The following SLA variants were observed in gnomAD, a reference collection of about 807,000 sequenced individuals.
The protein encoded by SLA is src-like-adapter.
A neutral mutation model predicts 30.3 loss-of-function variants in SLA; 16 were observed. The observed-to-expected ratio is 0.53, with a 90% confidence interval of 0.36 to 0.80. SLA has a LOEUF of 0.80. Among genes scored for constraint, SLA ranks in the 30% least tolerant of loss-of-function variants. The probability of loss-of-function intolerance (pLI) is 0.01; values close to 1 mark genes in which losing one functional copy is unlikely to be tolerated. For synonymous variants in SLA, 143 were observed against 137.8 expected, an observed-to-expected ratio of 1.04 and a Z score of -0.26; for missense variants, 310 against 345.2, an observed-to-expected ratio of 0.90 and a Z score of 0.81.
chr8:133,096,283 A>G (rs1319391696), intron 1 of SLA: 2 of 1,614,196 alleles, frequency 1.2e-6, no homozygotes, highest in Non-Finnish European at 1.7e-6. Context: ...CTCCAGCCAG[A>G]GCACTGAAGA....
chr8:133,100,029 T>A (rs2958669), intron 1 of SLA, among the ~76,000 whole-genome samples: 49,585 of 152,016 alleles, frequency 0.33, 8,948 homozygotes, highest in African/African-American at 0.48. Context: ...CAGAGGAAAA[T>A]TCCAGTCTTC....
intron 2 of SLA, among the ~76,000 whole-genome samples, chr8:133,067,741 A>G (rs1020350272): frequency 1.3e-5 from 2 of 151,948 alleles, no homozygotes; most frequent in Admixed American, 1.3e-4. Flanking sequence ...GCACCGCTGC[A>G]CATTCCAGCC....
In SLA at chr8:133,039,943, G is replaced by T. The variant is rs564084797; in HGVS notation, c.617+55C>A. The T allele has an allele frequency of 3.3e-6, 5 of 1,497,440 alleles. No individual in the cohort carries two copies. In the South Asian group the frequency reaches 4.9e-5, roughly 15 times the overall value. The allele number at this position is 1,497,440 out of a possible 1,614,324, so 92.8% of individuals were successfully genotyped here. A position where few individuals can be genotyped will look rare whatever the true frequency, so the allele number is the denominator to read the frequency against. ...CGTTTTGTGCTCACATGTTCACAGA[G>T]CACTTGCATGCACACACACACACAC... is the stretch of plus-strand genomic sequence containing the variant. On this transcript the variant is annotated intron_variant, in intron 8 of 8. Transcript: ENST00000338087.
intron 1 of SLA, among the ~76,000 whole-genome samples, chr8:133,090,886 C>T (rs1486632989): frequency 6.6e-6 from 1 of 152,142 alleles, no homozygotes; most frequent in Non-Finnish European, 1.5e-5. Flanking sequence ...CCCCCGGGAA[C>T]AGAAAGGAAC....
At chr8:133,102,281 T>A in intron 1 of SLA, 1 of 394,160 alleles carries the variant, frequency 2.5e-6, no homozygotes, top group Non-Finnish European at 4.6e-6. Flanking sequence ...ATGCCAACGC[T>A]GCATAAGTAT....
At chr8:133,078,056 T>G (rs1002594202) in intron 1 of SLA, among the ~76,000 whole-genome samples, 3 of 152,238 alleles carry the variant, frequency 2.0e-5, no homozygotes, top group South Asian at 2.1e-4. Context: ...TGCTTTTGTG[T>G]GGACTCAGCT....
intron 3 of SLA, among the ~76,000 whole-genome samples, chr8:133,057,715 T>G (rs1188108533): frequency 1.3e-5 from 2 of 151,078 alleles, no homozygotes; most frequent in Non-Finnish European, 2.9e-5. Flanking sequence ...AGACATTAGT[T>G]CCTGAGAAAT....
chr8:133,096,391 C>T, intron 1 of SLA: 1 of 1,614,008 alleles, frequency 6.2e-7, no homozygotes, highest in Non-Finnish European at 8.5e-7. Flanking sequence ...GGGAGGGGGC[C>T]TCGGATGTCT....
chr8:133,087,071 TACACACACACACACACAC>T (rs56028043), intron 1 of SLA, among the ~76,000 whole-genome samples: 31,140 of 143,102 alleles, frequency 0.22, 3,606 homozygotes, highest in South Asian at 0.31. Context: ...AATATATGTT[TACACACACACACACACAC>T]ACACACACAC....
Position 133,038,747 on chromosome 8 carries a change from A to T in SLA, c.618-10T>A. On this transcript the variant is annotated splice_polypyrimidine_tract_variant and intron_variant, in intron 8 of 8. Coordinates refer to ENST00000338087, the MANE Select transcript of SLA (RefSeq NM_001045556.3). ...GGGGTCCTCCTGCAGTCTGTGGGCC[A>T]GAAGAAAAGGCAGTAGAGAAAGGGA... 2 of 1,602,972 alleles carry T rather than the reference A, an allele frequency of 1.2e-6. No homozygotes were observed. The highest frequency in any genetic ancestry group is 1.7e-6 in the Non-Finnish European group (2 of 1,170,064).
chr8:133,091,163 G>A (rs2739175), intron 1 of SLA, among the ~76,000 whole-genome samples: 6,830 of 152,244 alleles, frequency 0.045, 486 homozygotes, highest in African/African-American at 0.15. Flanking sequence ...GTTTGTCCTC[G>A]TCTTCATTGT....
At chr8:133,085,018 G>C (rs748283676) in intron 1 of SLA, among the ~76,000 whole-genome samples, 1 of 152,214 alleles carries the variant, frequency 6.6e-6, no homozygotes, top group Non-Finnish European at 1.5e-5. Flanking sequence ...AGGCACAGTC[G>C]TGTCTCCCTG....
intron 6 of SLA, 138 bp downstream of exon 6, chr8:133,047,692 G>C (rs573941085): frequency 1.5e-6 from 1 of 687,070 alleles, no homozygotes; most frequent in African/African-American, 1.7e-5. Flanking sequence ...CAGCGTGTGG[G>C]CTGCAGGGAG....
chr8:133,051,679 G>A (rs1433108505), intron 3 of SLA, among the ~76,000 whole-genome samples: 3 of 152,150 alleles, frequency 2.0e-5, no homozygotes, highest in African/African-American at 7.2e-5. Context: ...GAGAGACAGT[G>A]ATTTTGCTTT....
intron 1 of SLA, among the ~76,000 whole-genome samples, chr8:133,089,685 C>A (rs535097269): frequency 2.0e-4 from 31 of 152,320 alleles, no homozygotes; most frequent in Admixed American, 8.5e-4. Flanking sequence ...CTCACTCATA[C>A]AGTCATTCAC....
chr8:133,057,165 C>G (rs1158551890), intron 3 of SLA, among the ~76,000 whole-genome samples: 1 of 149,178 alleles, frequency 6.7e-6, no homozygotes, highest in South Asian at 2.2e-4. Context: ...GGGGTCTGTG[C>G]TGCTGCCTCT....
chr8:133,045,387 C>CTTTTTTTTTTTT (rs5895172), intron 6 of SLA, among the ~76,000 whole-genome samples: 4 of 65,868 alleles, frequency 6.1e-5, no homozygotes, highest in Non-Finnish European at 7.7e-5. Flanking sequence ...ATCCTCTTTG[C>CTTTTTTTTTTTT]TTTTTTTTTT....
chr8:133,071,295 A>C (rs1189300161), intron 2 of SLA, among the ~76,000 whole-genome samples: 2 of 152,186 alleles, frequency 1.3e-5, no homozygotes, highest in African/African-American at 4.8e-5. Context: ...CAGAGCATTC[A>C]CATAATGTGT....
intron 1 of SLA, among the ~76,000 whole-genome samples, chr8:133,080,644 T>C (rs1845605800): frequency 6.6e-6 from 1 of 152,086 alleles, no homozygotes. Context: ...CATTCAAAGC[T>C]CATCAATCTG....
Sources: allele counts gnomAD v4.1 joint callset (sites outside exome capture counted in the v4.1 genomes callset), GRCh38; gene constraint gnomAD v4.1.1; transcripts MANE v1.5; gene names NCBI Gene and HGNC (gene_info 2026-07-23, HGNC 2026-07-21).